GAS7: variants seen among roughly 807,000 people sequenced by gnomAD.
GAS7 encodes the protein growth arrest specific 7, also known as growth arrest-specific protein 7.
Under a neutral mutation model 71.1 loss-of-function variants are expected in GAS7, and 28 were observed. The observed-to-expected ratio is 0.39, with a 90% CI of 0.29 to 0.54. GAS7 has a LOEUF of 0.54. Among genes scored for constraint, GAS7 ranks in the 20% least tolerant of loss-of-function variants. GAS7 has a pLI of 0.62. For synonymous variants in GAS7, 258 were observed against 245.8 expected, an observed-to-expected ratio of 1.05 and a Z score of -0.46; for missense variants, 436 against 627.8, an observed-to-expected ratio of 0.69 and a Z score of 3.27.
rs1369765597 is a variant in GAS7 at position 10,039,864 on chromosome 17, A to G, written c.184-19967T>C. On this transcript the variant is annotated intron_variant, in intron 1 of 13. Transcript: ENST00000432992. ...TCTGGGGCTCCCAGAGGGGGTGACA[A>G]TGTGCCTTTCCCTTGGACATATCAA... The G allele has an allele frequency of 1.5e-5, 6 of 409,088 alleles. No individual in the cohort carries two copies. The East Asian group carries it at 3.7e-4, about 25-fold the overall frequency. The allele number at this position is 409,088 out of a possible 1,614,324, so 25.3% of individuals were successfully genotyped here.
intron 1 of GAS7, among the ~76,000 whole-genome samples, chr17:10,027,644 G>T (rs948734672): frequency 6.6e-6 from 1 of 152,216 alleles, no homozygotes; most frequent in African/African-American, 2.4e-5. Context: ...CAGCAACATG[G>T]TGCCATCTTG....
At chr17:10,166,987 C>T (rs2142126078) in intron 1 of GAS7, among the ~76,000 whole-genome samples, 1 of 149,628 alleles carries the variant, frequency 6.7e-6, no homozygotes, top group East Asian at 2.0e-4. Context: ...CACTACCTGC[C>T]ATGTGGCCTT....
intron 1 of GAS7, among the ~76,000 whole-genome samples, chr17:10,170,337 C>G (rs1221465772): frequency 6.6e-6 from 1 of 152,094 alleles, no homozygotes; most frequent in Admixed American, 6.6e-5. Flanking sequence ...GTCTGGTCAC[C>G]TCTCTGTCCC....
At chr17:9,939,615 T>C (rs377664955) in intron 8 of GAS7, among the ~76,000 whole-genome samples, 2 of 129,656 alleles carry the variant, frequency 1.5e-5, no homozygotes, top group African/African-American at 7.5e-5. Flanking sequence ...TGGAAGTGCC[T>C]TTTTTTTTTT....
chr17:10,009,987 A>T (rs1178039030), intron 2 of GAS7, among the ~76,000 whole-genome samples: 1 of 152,112 alleles, frequency 6.6e-6, no homozygotes, highest in Non-Finnish European at 1.5e-5. Context: ...ACTGCCACCC[A>T]TGCCCATTCC....
Position 9,910,879 on chromosome 17 carries a change from T to C in GAS7, c.*6349A>G, listed in dbSNP as rs2067417804. The C allele has an allele frequency of 4.4e-6, 1 of 229,434 alleles. No homozygotes were observed. Among genetic ancestry groups the C allele is most frequent in the Admixed American group, 5.7e-5 (1 of 17,638 alleles). The allele number at this position is 229,434 out of a possible 1,614,324, so 14.2% of individuals were successfully genotyped here. A position where few individuals can be genotyped will look rare whatever the true frequency, so the allele number is the denominator to read the frequency against. The stretch of plus-strand genomic sequence containing the variant: ...GATATACAATGTGGAGGAAACACAT[T>C]CATACCGGGGTGAGGAGTGCTGGCG... On this transcript the variant is annotated 3_prime_UTR_variant, in exon 14 of 14. Transcript: ENST00000432992.
At chr17:9,970,540 G>A (rs1371497938) in intron 3 of GAS7, among the ~76,000 whole-genome samples, 2 of 152,126 alleles carry the variant, frequency 1.3e-5, no homozygotes, top group Non-Finnish European at 2.9e-5. Flanking sequence ...GCTGAGGCAG[G>A]AGGATCGCTT....
chr17:9,961,168 G>A (rs968583939), intron 4 of GAS7, among the ~76,000 whole-genome samples: 2 of 152,168 alleles, frequency 1.3e-5, no homozygotes, highest in Non-Finnish European at 2.9e-5. Flanking sequence ...CTCCTCTAGT[G>A]ACCCCAACGG....
intron 2 of GAS7, among the ~76,000 whole-genome samples, chr17:9,992,272 A>C (rs2070871559): frequency 6.6e-6 from 1 of 151,762 alleles, no homozygotes; most frequent in Admixed American, 6.6e-5. Context: ...ATGTTACCCC[A>C]ACCTTCTAAG....
In GAS7 at chr17:9,914,847, T is replaced by G. The variant is rs564512368; in HGVS notation, c.*2381A>C. On this transcript the variant is annotated 3_prime_UTR_variant, in exon 14 of 14. Transcript: ENST00000432992. ...TTGTCTTGAGCATTCGCTGAATGAATGCAGATTAATCAGAACAACAGACTT... is the reference window on the plus strand; with the variant it reads ...TTGTCTTGAGCATTCGCTGAATGAAGGCAGATTAATCAGAACAACAGACTT... 3 of 231,088 alleles carry G rather than the reference T, an allele frequency of 1.3e-5. No individual in the cohort carries two copies. The highest frequency in any genetic ancestry group is 2.6e-5 in the Non-Finnish European group (3 of 116,738). The allele number at this position is 231,088 out of a possible 1,614,324, so 14.3% of individuals were successfully genotyped here. A position where few individuals can be genotyped will look rare whatever the true frequency, so the allele number is the denominator to read the frequency against.
At chr17:10,163,962 G>A (rs1056516442) in intron 1 of GAS7, among the ~76,000 whole-genome samples, 14 of 152,166 alleles carry the variant, frequency 9.2e-5, no homozygotes, top group African/African-American at 3.4e-4. Context: ...AAACCGCTTG[G>A]GACATGACAG....
At chr17:10,048,944 A>C (rs2073021969) in intron 1 of GAS7, among the ~76,000 whole-genome samples, 2 of 152,236 alleles carry the variant, frequency 1.3e-5, no homozygotes, top group Admixed American at 1.3e-4. Flanking sequence ...TTAGTGCCTT[A>C]GTATTTCATT....
At chr17:10,140,446 G>T (rs538165262) in intron 1 of GAS7, among the ~76,000 whole-genome samples, 1 of 152,210 alleles carries the variant, frequency 6.6e-6, no homozygotes, top group African/African-American at 2.4e-5. Flanking sequence ...GTGACAGGGC[G>T]AGACCCTGTC....
chr17:10,064,182 C>T (rs1046752461), intron 1 of GAS7, among the ~76,000 whole-genome samples: 9 of 152,194 alleles, frequency 5.9e-5, no homozygotes, highest in Non-Finnish European at 4.4e-5. Flanking sequence ...CCCAGATTGA[C>T]GTTTTCATTT....
chr17:10,030,989 C>A (rs1263805523), intron 1 of GAS7, among the ~76,000 whole-genome samples: 1 of 152,220 alleles, frequency 6.6e-6, no homozygotes, highest in Non-Finnish European at 1.5e-5. Context: ...TCCTCCCCAA[C>A]ACCATCACTG....
chr17:9,961,179 G>A (rs1165133156), intron 4 of GAS7, among the ~76,000 whole-genome samples: 2 of 152,170 alleles, frequency 1.3e-5, no homozygotes, highest in Non-Finnish European at 2.9e-5. Context: ...ACCCCAACGG[G>A]CTCCTGGCCA....
rs533358631 is a variant in GAS7, at chr17:10,179,173, T to C, written c.183+19035A>G. ...GGAGAAACTCGGTCTCTACTAAAAATACAAAATTAGCCGGGCGTGGTGGTG... is the reference window on the plus strand; with the variant it reads ...GGAGAAACTCGGTCTCTACTAAAAACACAAAATTAGCCGGGCGTGGTGGTG... On this transcript the variant is annotated intron_variant, in intron 1 of 13. Coordinates refer to ENST00000432992, the MANE Select transcript of GAS7 (RefSeq NM_201433.2). Among the ~76,000 whole-genome samples the C allele has an allele frequency of 1.6e-4, 24 of 151,884 alleles. 1 individual carries two copies. The South Asian group carries it at 2.5e-3, about 16-fold the overall frequency.
intron 8 of GAS7, among the ~76,000 whole-genome samples, chr17:9,939,903 G>A (rs370832689): frequency 2.6e-5 from 4 of 152,114 alleles, no homozygotes; most frequent in African/African-American, 4.8e-5. Flanking sequence ...CCACCCGCCC[G>A]GCTGGAAGTG....
chr17:10,067,375 G>C (rs1446850116), intron 1 of GAS7, among the ~76,000 whole-genome samples: 1 of 152,170 alleles, frequency 6.6e-6, no homozygotes, highest in Non-Finnish European at 1.5e-5. Flanking sequence ...CTCCCAAGTA[G>C]CTGGGACTAT....
Sources: allele counts gnomAD v4.1 joint callset (sites outside exome capture counted in the v4.1 genomes callset), GRCh38; gene constraint gnomAD v4.1.1; transcripts MANE v1.5; gene names NCBI Gene and HGNC (gene_info 2026-07-23, HGNC 2026-07-21).